The following BEND4 variants were observed in gnomAD, a reference collection of about 807,000 sequenced individuals.
BEND4 encodes the protein BEN domain-containing protein 4.
BEND4 carries 27 observed loss-of-function variants against 54.7 expected under a neutral mutation model. That is an observed-to-expected ratio of 0.49 (90% confidence interval 0.36 to 0.68). The LOEUF is 0.68. Ranked by LOEUF, BEND4 falls within the 30% of genes least tolerant of loss-of-function variation. BEND4 has a pLI of 0.00. For synonymous variants in BEND4, 327 were observed against 299.5 expected (o/e 1.09, Z -0.95); for missense variants, 702 against 697.2 (o/e 1.01, Z -0.08).
chr4:42,136,272 T>G (rs1720695770), intron 3 of BEND4, among the ~76,000 whole-genome samples: 1 of 152,168 alleles, frequency 6.6e-6, no homozygotes, highest in Non-Finnish European at 1.5e-5. Context: ...CTAAGGGCGT[T>G]TTGTTCTTGC....
At chr4:42,121,308 C>G (rs1318451231) in intron 4 of BEND4, among the ~76,000 whole-genome samples, 1 of 152,166 alleles carries the variant, frequency 6.6e-6, no homozygotes, top group Non-Finnish European at 1.5e-5. Context: ...AAGAGGGAGG[C>G]AGCCCGATGC....
chr4:42,152,374 T>G lies in BEND4; in HGVS notation c.-231A>C. ...CCTGATTGACAGGCTGCCTCGCCAATGCCTGGAGGGAGAAAGGAGGTAAAG... is the reference window on the plus strand; with the variant it reads ...CCTGATTGACAGGCTGCCTCGCCAAGGCCTGGAGGGAGAAAGGAGGTAAAG... On this transcript the variant is annotated splice_region_variant and 5_prime_UTR_variant, in exon 2 of 6. Coordinates refer to ENST00000502486, the MANE Select transcript of BEND4 (RefSeq NM_207406.4). 6.7e-6 allele frequency: 2 copies of G among 297,070 alleles called. No individual in the cohort carries two copies. The highest frequency in any genetic ancestry group is 5.6e-5 in the East Asian group (1 of 17,730). 18.4% of individuals were successfully genotyped at this position (297,070 alleles called of 1,614,324 possible).
At chr4:42,125,242 G>A (rs1054775419) in intron 4 of BEND4, among the ~76,000 whole-genome samples, 1 of 152,220 alleles carries the variant, frequency 6.6e-6, no homozygotes, top group Non-Finnish European at 1.5e-5. Flanking sequence ...GAGGTGCCCA[G>A]AGTGAGGGGC....
intron 4 of BEND4, among the ~76,000 whole-genome samples, chr4:42,124,286 G>A (rs955041277): frequency 1.2e-4 from 18 of 152,164 alleles, no homozygotes; most frequent in African/African-American, 4.1e-4. Context: ...CTGGGAGGTC[G>A]AAGATGCAGT....
At chr4:42,137,665 C>CT (rs1160140045) in intron 3 of BEND4, among the ~76,000 whole-genome samples, 5 of 151,986 alleles carry the variant, frequency 3.3e-5, no homozygotes, top group African/African-American at 1.2e-4. Flanking sequence ...CTCTGCATAG[C>CT]AATCAACAAA....
intron 5 of BEND4, among the ~76,000 whole-genome samples, chr4:42,119,166 A>G (rs775321255): frequency 6.6e-6 from 1 of 152,118 alleles, no homozygotes; most frequent in Non-Finnish European, 1.5e-5. Flanking sequence ...GCAGAAGTAG[A>G]GTATTCTTTC....
intron 3 of BEND4, among the ~76,000 whole-genome samples, chr4:42,131,895 T>G (rs1384465455): frequency 6.6e-6 from 1 of 152,086 alleles, no homozygotes; most frequent in Non-Finnish European, 1.5e-5. Flanking sequence ...GCAGGGACCT[T>G]GAAGCACCCC....
chr4:42,133,770 GCA>G, intron 3 of BEND4, among the ~76,000 whole-genome samples: 1 of 152,160 alleles, frequency 6.6e-6, no homozygotes, highest in Non-Finnish European at 1.5e-5. Flanking sequence ...CAGGAGAATG[GCA>G]TGACCCGGGA....
Position 42,117,613 on chromosome 4 carries a change from G to C in BEND4, c.1510C>G (p.Leu504Val), listed in dbSNP as rs1354421597. ...ARQGRAVGTF[L>V]HNGGSFYEGI... is the part of the protein sequence containing the mutation. ...TCATAAAATGAGCCACCGTTGTGCA[G>C]GAAAGTCCCCACCGCCCGCCCCTGT... Residue 504 changes from leucine to valine, a missense_variant, in exon 6 of 6, where the codon CTG (leucine) becomes GTG (valine). By Grantham distance (32) the Leu-to-Val change is conservative (BLOSUM62 1). Coordinates refer to ENST00000502486, the MANE Select transcript of BEND4 (RefSeq NM_207406.4). 3.7e-6 allele frequency: 6 copies of C among 1,613,162 alleles called. No homozygotes were observed. The highest frequency in any genetic ancestry group is 5.1e-6 in the Non-Finnish European group (6 of 1,179,646).
Position 42,116,964 on chromosome 4 carries a change from G to A in BEND4, c.*554C>T, listed in dbSNP as rs1329867144. On this transcript the variant is annotated 3_prime_UTR_variant, in exon 6 of 6. Transcript: ENST00000502486. ...TAATTAATCACTGTCTGCAGATGTTGCCTCTGTTCTCTGGTTTCCTTTTAG... is the reference window on the plus strand; with the variant it reads ...TAATTAATCACTGTCTGCAGATGTTACCTCTGTTCTCTGGTTTCCTTTTAG... The A allele has an allele frequency of 4.6e-5, 7 of 152,248 alleles. No individual in the cohort carries two copies. The highest frequency in any genetic ancestry group is 1.0e-4 in the Non-Finnish European group (7 of 68,104). 9.4% of individuals were successfully genotyped at this position (152,248 alleles called of 1,614,324 possible).
chr4:42,122,051 G>A (rs1720087600), intron 4 of BEND4, among the ~76,000 whole-genome samples: 1 of 152,014 alleles, frequency 6.6e-6, no homozygotes, highest in South Asian at 2.1e-4. Context: ...GAAATCGGGG[G>A]GCTGGCTAAC....
chr4:42,132,337 C>G (rs951623320), intron 3 of BEND4, among the ~76,000 whole-genome samples: 1 of 152,228 alleles, frequency 6.6e-6, no homozygotes, highest in Non-Finnish European at 1.5e-5. Flanking sequence ...TGAGTCTTGG[C>G]TTTCAGCAGC....
intron 4 of BEND4, among the ~76,000 whole-genome samples, chr4:42,124,563 G>A (rs1720201898): frequency 6.6e-6 from 1 of 152,184 alleles, no homozygotes. Flanking sequence ...AGGGCCTGGG[G>A]TGACCAGAGT....
rs73153395 is a variant in BEND4, at chr4:42,124,999, A to C, written c.1146+584T>G. On this transcript the variant is annotated intron_variant, in intron 4 of 5. Transcript: ENST00000502486. Reference sequence around the variant, plus strand: ...GCTTCCCCAGGGGATTCTCATGGGGATTGTCCATGGTTCTCAAGTCTCGTA... The same window carrying C: ...GCTTCCCCAGGGGATTCTCATGGGGCTTGTCCATGGTTCTCAAGTCTCGTA... Among the ~76,000 whole-genome samples, 562 of 152,262 alleles carry C rather than the reference A, an allele frequency of 3.7e-3. 5 individuals are homozygous for C. Among genetic ancestry groups the C allele is most frequent in the African/African-American group, 0.012 (509 of 41,548 alleles).
Position 42,125,609 on chromosome 4 carries a change from G to C in BEND4, c.1120C>G (p.Pro374Ala). The change falls in exon 4 of 6, where the codon CCA (proline) becomes GCA (alanine). Residue 374 changes from proline (P) to alanine (A), a missense_variant. Transcript: ENST00000502486. ...TCTGTCGGCTGGTCAGCTGGCTGTG[G>C]TATCAGGAGTTGGTTGTGGTGCTGC... ...VLQHHNQLLI[P>A]QPADQPTEGS... The C allele has an allele frequency of 6.2e-7, 1 of 1,613,830 alleles. No homozygotes were observed. Among genetic ancestry groups the C allele is most frequent in the Non-Finnish European group, 8.5e-7 (1 of 1,179,778 alleles).
chr4:42,125,191 A>G (rs1265972639), intron 4 of BEND4, among the ~76,000 whole-genome samples: 21 of 152,204 alleles, frequency 1.4e-4, no homozygotes, highest in Non-Finnish European at 1.5e-5. Flanking sequence ...TGACTTCTGG[A>G]AAATGCCTAT....
At position 42,120,313 on chromosome 4, in the gene BEND4, T is replaced by A. The variant is rs371394186; in HGVS notation, c.1147-19A>T. 23 of 1,591,000 alleles carry A rather than the reference T, an allele frequency of 1.4e-5. No individual in the cohort carries two copies. Among genetic ancestry groups the A allele is most frequent in the Non-Finnish European group, 1.9e-5 (22 of 1,161,718 alleles). On this transcript the variant is annotated intron_variant, in intron 4 of 5. Transcript: ENST00000502486. ...TGCTTCCCTGGAAAAGCGAAATATT[T>A]TCTCATTACCCACCGAGCCAGCCAG... is the stretch of plus-strand genomic sequence containing the variant.
rs1173244520 is a variant in BEND4 at position 42,152,304 on chromosome 4, G to C, written c.-161C>G. 4.6e-6 allele frequency: 3 copies of C among 648,820 alleles called. No individual in the cohort carries two copies. The Admixed American group carries it at 1.4e-4, about 30-fold the overall frequency. 40.2% of individuals were successfully genotyped at this position (648,820 alleles called of 1,614,324 possible). ...CGCCGCCGCCGCCGCCTGTCGCTGA[G>C]GCTGGCATCGCCGAGCCCCCGCGCG... On this transcript the variant is annotated 5_prime_UTR_variant, in exon 2 of 6. Transcript: ENST00000502486.
chr4:42,134,946 G>C (rs1350371659), intron 3 of BEND4, among the ~76,000 whole-genome samples: 2 of 152,214 alleles, frequency 1.3e-5, no homozygotes, highest in East Asian at 3.8e-4. Flanking sequence ...AGACAGACAG[G>C]AAAAGATCCA....
Sources: allele counts gnomAD v4.1 joint callset (sites outside exome capture counted in the v4.1 genomes callset), GRCh38; gene constraint gnomAD v4.1.1; transcripts MANE v1.5; gene names NCBI Gene and HGNC (gene_info 2026-07-23, HGNC 2026-07-21).